RBMS1: variants seen among roughly 807,000 people sequenced by gnomAD.
RBMS1 encodes RNA binding motif single stranded interacting protein 1.
RBMS1 carries 17 observed loss-of-function variants against 62.3 expected under a neutral mutation model. The ratio of observed to expected loss-of-function variants is 0.27; its 90% CI spans 0.19 to 0.41. The LOEUF is 0.41. Among genes scored for constraint, RBMS1 ranks in the 10% least tolerant of loss-of-function variants. RBMS1 has a pLI of 1.00. For synonymous variants in RBMS1, 172 were observed against 170.0 expected, an observed-to-expected ratio of 1.01 and a Z score of -0.09; for missense variants, 334 against 504.5, an observed-to-expected ratio of 0.66 and a Z score of 3.24.
At chr2:160,375,428 C>T (rs1252368520) in intron 1 of RBMS1, among the ~76,000 whole-genome samples, 2 of 152,022 alleles carry the variant, frequency 1.3e-5, no homozygotes, top group African/African-American at 4.8e-5. Flanking sequence ...AAATGTAAAA[C>T]AAAAAACAAT....
rs534272839 is a variant in RBMS1 at position 160,484,794 on chromosome 2, C to T, written c.75+8495G>A. Among the ~76,000 whole-genome samples the T allele has an allele frequency of 7.6e-4, 115 of 151,030 alleles. 1 individual carries two copies. Among genetic ancestry groups the T allele is most frequent in the Non-Finnish European group, 1.4e-3 (98 of 67,932 alleles). ...GCTGAGGCAGGAGAATGGCGTGAAC[C>T]CGGGAGGCGGAGCTTGCAGTAAGCT... On this transcript the variant is annotated intron_variant, in intron 1 of 13. Coordinates refer to ENST00000348849, the MANE Select transcript of RBMS1 (RefSeq NM_016836.4).
chr2:160,339,589 T>C (rs1691756924), intron 2 of RBMS1, among the ~76,000 whole-genome samples: 1 of 152,316 alleles, frequency 6.6e-6, no homozygotes, highest in South Asian at 2.1e-4. Context: ...CCATGATGTG[T>C]CTTTTAAAAA....
chr2:160,392,020 T>C (rs1281292230), intron 1 of RBMS1, among the ~76,000 whole-genome samples: 1 of 152,034 alleles, frequency 6.6e-6, no homozygotes, highest in East Asian at 1.9e-4. Context: ...ATTACACAGA[T>C]ATGTGAAGGA....
At chr2:160,320,835 C>A (rs1043647938) in intron 2 of RBMS1, among the ~76,000 whole-genome samples, 3 of 151,994 alleles carry the variant, frequency 2.0e-5, no homozygotes, top group African/African-American at 4.8e-5. Context: ...TACAGGAACA[C>A]GAAAAATGGA....
intron 2 of RBMS1, among the ~76,000 whole-genome samples, chr2:160,351,485 G>A (rs1017865761): frequency 2.6e-5 from 4 of 152,062 alleles, no homozygotes; most frequent in African/African-American, 9.7e-5. Flanking sequence ...GTTGCTGAAT[G>A]TTTCCTGTCT....
chr2:160,387,582 A>G (rs1296946790), intron 1 of RBMS1, among the ~76,000 whole-genome samples: 1 of 152,132 alleles, frequency 6.6e-6, no homozygotes, highest in African/African-American at 2.4e-5. Context: ...TGTGCTGCAA[A>G]TGACAGTCTT....
chr2:160,438,266 T>C (rs1305285066), intron 1 of RBMS1, among the ~76,000 whole-genome samples: 1 of 152,028 alleles, frequency 6.6e-6, no homozygotes, highest in South Asian at 2.1e-4. Flanking sequence ...ACTTTCTTTT[T>C]TTTTTTTTTT....
chr2:160,484,931 A>T (rs954122293), intron 1 of RBMS1, among the ~76,000 whole-genome samples: 2 of 151,872 alleles, frequency 1.3e-5, no homozygotes, highest in Non-Finnish European at 2.9e-5. Flanking sequence ...AGAGAATTGG[A>T]AGAGATAGAC....
chr2:160,362,871 T>C (rs539930891), intron 2 of RBMS1, among the ~76,000 whole-genome samples: 31 of 152,184 alleles, frequency 2.0e-4, no homozygotes, highest in African/African-American at 7.5e-4. Flanking sequence ...AAGAGGAGGT[T>C]GGAGGTTATG....
intron 1 of RBMS1, among the ~76,000 whole-genome samples, chr2:160,480,577 T>C (rs73969323): frequency 0.013 from 1,966 of 152,296 alleles, 43 homozygotes; most frequent in African/African-American, 0.045. Flanking sequence ...AAATAAGAGA[T>C]ATACCATCCT....
chr2:160,451,421 CA>C (rs1270936919), intron 1 of RBMS1, among the ~76,000 whole-genome samples: 1 of 151,482 alleles, frequency 6.6e-6, no homozygotes, highest in African/African-American at 2.4e-5. Flanking sequence ...AAAACTAATC[CA>C]AAAAAAGTAT....
rs370400218 is a variant in RBMS1, at chr2:160,302,888, T to C, written c.560+442A>G. 2.0e-5 allele frequency: 3 copies of C among 153,760 alleles called. No homozygotes were observed. The East Asian group carries it at 5.8e-4, about 29-fold the overall frequency. 9.5% of individuals were successfully genotyped at this position (153,760 alleles called of 1,614,324 possible). On this transcript the variant is annotated intron_variant, in intron 5 of 13. Transcript: ENST00000348849. ...CTGTGTGGTGGTTACACAGTTATCA[T>C]GTCCTTGTCTTACTTTTCTGAATGT... is the stretch of plus-strand genomic sequence containing the variant.
intron 4 of RBMS1, among the ~76,000 whole-genome samples, chr2:160,304,804 T>C (rs1689410945): frequency 6.6e-6 from 1 of 152,172 alleles, no homozygotes; most frequent in African/African-American, 2.4e-5. Context: ...AACTTAAATT[T>C]AAAGGTTTAT....
At chr2:160,292,568 T>C (rs1688737817) in intron 6 of RBMS1, among the ~76,000 whole-genome samples, 1 of 152,236 alleles carries the variant, frequency 6.6e-6, no homozygotes, top group South Asian at 2.1e-4. Flanking sequence ...GAAGAAATGT[T>C]GAAGTTATAG....
chr2:160,376,557 A>G (rs1220741734), intron 1 of RBMS1, among the ~76,000 whole-genome samples: 1 of 152,186 alleles, frequency 6.6e-6, no homozygotes, highest in Admixed American at 6.5e-5. Flanking sequence ...ATGAATAATT[A>G]GAGAAAGTGA....
At chr2:160,438,656 C>T (rs1439807903) in intron 1 of RBMS1, among the ~76,000 whole-genome samples, 1 of 152,210 alleles carries the variant, frequency 6.6e-6, no homozygotes, top group African/African-American at 2.4e-5. Context: ...CCCATGTCTA[C>T]CTCTTTCTAC....
chr2:160,317,179 CAATG>C (rs2105968451), intron 3 of RBMS1, among the ~76,000 whole-genome samples: 1 of 152,274 alleles, frequency 6.6e-6, no homozygotes, highest in Non-Finnish European at 1.5e-5. Flanking sequence ...GACAGAAATA[CAATG>C]AACCACTTCA....
chr2:160,367,143 C>T, intron 2 of RBMS1, 73 bp downstream of exon 2: 2 of 1,396,364 alleles, frequency 1.4e-6, no homozygotes, highest in Admixed American at 1.9e-5. Flanking sequence ...TCTTATAATG[C>T]AGTATATATC....
In RBMS1 at chr2:160,289,657, T is replaced by C. The variant is rs1037956181; in HGVS notation, c.641-2573A>G. Among the ~76,000 whole-genome samples, 5 of 152,164 alleles carry C rather than the reference T, an allele frequency of 3.3e-5. No individual in the cohort carries two copies. The East Asian group carries it at 9.6e-4, about 29-fold the overall frequency. On this transcript the variant is annotated intron_variant, in intron 6 of 13. Coordinates refer to ENST00000348849, the MANE Select transcript of RBMS1 (RefSeq NM_016836.4). ...TTAATGGAGAAAAGAGTGTACCTAA[T>C]CTCATGAAAACCCATTTAGTCATTT...
Sources: allele counts gnomAD v4.1 joint callset (sites outside exome capture counted in the v4.1 genomes callset), GRCh38; gene constraint gnomAD v4.1.1; transcripts MANE v1.5; gene names NCBI Gene and HGNC (gene_info 2026-07-23, HGNC 2026-07-21).